Variants in KCNMB2 observed in about 807,000 individuals in gnomAD.
KCNMB2 encodes the protein calcium-activated potassium channel subunit beta-2.
Under a neutral mutation model 24.5 loss-of-function variants are expected in KCNMB2, and 9 were observed. The observed-to-expected ratio is 0.37, with a 90% CI of 0.22 to 0.64. The LOEUF (loss-of-function observed/expected upper bound fraction) is 0.64. Ranked by LOEUF, KCNMB2 falls within the 30% of genes least tolerant of loss-of-function variation. The pLI, the probability that KCNMB2 is intolerant of heterozygous loss-of-function variation, is 0.63. For synonymous variants in KCNMB2, 109 were observed against 104.4 expected (o/e 1.04, Z -0.27); for missense variants, 226 against 284.3 (o/e 0.79, Z 1.47).
chr3:178,607,628 C>T (rs990220839), intron 1 of KCNMB2, among the ~76,000 whole-genome samples: 4 of 147,358 alleles, frequency 2.7e-5, no homozygotes, highest in Middle Eastern at 3.5e-3. Flanking sequence ...ATTGTGCATG[C>T]GTGTGTGTGT....
intron 1 of KCNMB2, among the ~76,000 whole-genome samples, chr3:178,607,941 C>T (rs1310369715): frequency 1.3e-5 from 2 of 152,066 alleles, no homozygotes; most frequent in African/African-American, 2.4e-5. Context: ...TAAGATTCTT[C>T]CTTAAGTAAA....
intron 1 of KCNMB2, among the ~76,000 whole-genome samples, chr3:178,612,768 TG>T (rs1409233643): frequency 2.0e-5 from 3 of 152,140 alleles, no homozygotes; most frequent in African/African-American, 7.2e-5. Context: ...GACTTAATCC[TG>T]TCATTTTGTT....
At chr3:178,701,175 G>A (rs143889999) in intron 1 of KCNMB2, among the ~76,000 whole-genome samples, 77 of 152,258 alleles carry the variant, frequency 5.1e-4, no homozygotes, top group East Asian at 3.1e-3. Context: ...TTCTACATAC[G>A]GCTAGCCACT....
chr3:178,804,534 T>C (rs1411098765), intron 1 of KCNMB2, among the ~76,000 whole-genome samples: 2 of 152,196 alleles, frequency 1.3e-5, no homozygotes, highest in African/African-American at 4.8e-5. Context: ...TCCAACAAGA[T>C]TTAGACAGTT....
At chr3:178,731,002 A>T (rs1419147370) in intron 1 of KCNMB2, among the ~76,000 whole-genome samples, 1 of 152,132 alleles carries the variant, frequency 6.6e-6, no homozygotes, top group Admixed American at 6.5e-5. Flanking sequence ...ATCTTCATAA[A>T]CAAAACAAAC....
At chr3:178,580,972 C>T (rs1485571145) in intron 1 of KCNMB2, among the ~76,000 whole-genome samples, 1 of 152,070 alleles carries the variant, frequency 6.6e-6, no homozygotes, top group East Asian at 1.9e-4. Flanking sequence ...AATGCTATCC[C>T]CATCAAACTA....
chr3:178,579,705 T>C (rs1034782050), intron 1 of KCNMB2, among the ~76,000 whole-genome samples: 12 of 151,958 alleles, frequency 7.9e-5, no homozygotes, highest in Non-Finnish European at 1.0e-4. Flanking sequence ...TCTTATACCA[T>C]AGAAATACAA....
chr3:178,566,563 C>A (rs567295160), intron 1 of KCNMB2, among the ~76,000 whole-genome samples: 6 of 149,302 alleles, frequency 4.0e-5, no homozygotes, highest in Non-Finnish European at 8.9e-5. Context: ...GTCTACCTAG[C>A]CATTACATCC....
intron 1 of KCNMB2, among the ~76,000 whole-genome samples, chr3:178,805,166 G>T (rs1713916046): frequency 1.3e-5 from 2 of 152,180 alleles, no homozygotes; most frequent in Non-Finnish European, 2.9e-5. Context: ...TCTTGCATCT[G>T]TACTGGTTAC....
intron 4 of KCNMB2, among the ~76,000 whole-genome samples, chr3:178,833,568 T>TC (rs1715120150): frequency 6.6e-6 from 1 of 152,126 alleles, no homozygotes; most frequent in Admixed American, 6.6e-5. Context: ...CAACTCCCCT[T>TC]CCTGTTATCC....
chr3:178,615,017 C>G (rs1307206495), intron 1 of KCNMB2, among the ~76,000 whole-genome samples: 1 of 152,204 alleles, frequency 6.6e-6, no homozygotes, highest in Non-Finnish European at 1.5e-5. Context: ...TTCTTGCAGA[C>G]TCATAGAAGT....
At chr3:178,768,871 T>C (rs1463507785) in intron 1 of KCNMB2, among the ~76,000 whole-genome samples, 3 of 152,204 alleles carry the variant, frequency 2.0e-5, no homozygotes, top group African/African-American at 7.2e-5. Context: ...ATCAATTCAG[T>C]GTATCTAATT....
At chr3:178,827,947 T>A (rs751640360) in intron 3 of KCNMB2, among the ~76,000 whole-genome samples, 3 of 152,240 alleles carry the variant, frequency 2.0e-5, no homozygotes, top group Non-Finnish European at 4.4e-5. Context: ...GAGAATACCA[T>A]ATCCAATGGA....
chr3:178,572,360 T>C (rs1238409695), intron 1 of KCNMB2, among the ~76,000 whole-genome samples: 1 of 152,200 alleles, frequency 6.6e-6, no homozygotes, highest in Non-Finnish European at 1.5e-5. Flanking sequence ...CTGATTTTTC[T>C]CAAGGGAAGA....
chr3:178,552,019 A>G (rs1158411391), intron 1 of KCNMB2, among the ~76,000 whole-genome samples: 1 of 152,234 alleles, frequency 6.6e-6, no homozygotes, highest in African/African-American at 2.4e-5. Context: ...TGCCACACCC[A>G]GAGCTCCGGA....
At chr3:178,604,723 G>T (rs1291481551) in intron 1 of KCNMB2, among the ~76,000 whole-genome samples, 1 of 152,172 alleles carries the variant, frequency 6.6e-6, no homozygotes, top group African/African-American at 2.4e-5. Context: ...ATTTATTAGT[G>T]ACTAATGATA....
intron 1 of KCNMB2, among the ~76,000 whole-genome samples, chr3:178,717,945 T>A (rs1433141931): frequency 6.6e-6 from 1 of 152,018 alleles, no homozygotes; most frequent in African/African-American, 2.4e-5. Flanking sequence ...TGAAGTGAGA[T>A]CACCATTCCT....
In KCNMB2 at chr3:178,641,393, C is replaced by T. The variant is rs529401223; in HGVS notation, c.-68+104682C>T. Among the ~76,000 whole-genome samples the T allele has an allele frequency of 5.9e-5, 9 of 152,198 alleles. No individual in the cohort carries two copies. The East Asian group carries it at 1.5e-3, about 26-fold the overall frequency. Reference sequence around the variant, plus strand: ...TAGTTTTTCACATATAGAACCCACACATATTTTGTCAGATTTATACTTAAG... The same window carrying T: ...TAGTTTTTCACATATAGAACCCACATATATTTTGTCAGATTTATACTTAAG... On this transcript the variant is annotated intron_variant, in intron 1 of 4. Transcript: ENST00000452583.
chr3:178,792,749 A>G (rs1194294472), intron 1 of KCNMB2, among the ~76,000 whole-genome samples: 5 of 152,240 alleles, frequency 3.3e-5, no homozygotes, highest in Non-Finnish European at 4.4e-5. Context: ...AATGAAAACC[A>G]AAAAAGAGCA....
Sources: gnomAD v4.1 joint callset for allele counts (sites outside exome capture counted in the v4.1 genomes callset) on GRCh38, gnomAD v4.1.1 for gene constraint, MANE v1.5 for transcripts, NCBI Gene and HGNC (gene_info 2026-07-23, HGNC 2026-07-21) for gene names.